Variants in HPS1 observed in about 807,000 individuals in gnomAD.
HPS1 encodes BLOC-3 complex member HPS1.
HPS1 carries 59 observed loss-of-function variants against 90.6 expected under a neutral mutation model. That is an observed-to-expected ratio of 0.65 (90% CI 0.53 to 0.81). HPS1 has a LOEUF of 0.81. HPS1 is among the 30% of genes least tolerant of loss of function. The pLI, the probability that HPS1 is intolerant of heterozygous loss-of-function variation, is 0.00. For synonymous variants in HPS1, 388 were observed against 384.4 expected (o/e 1.01, Z -0.11); for missense variants, 849 against 896.7 (o/e 0.95, Z 0.68).
rs2136213916 is a variant in HPS1, at chr10:98,431,253, C to T, written c.546G>A (p.Leu182=). 6.2e-7 allele frequency: 1 copy of T among 1,613,978 alleles called. No individual in the cohort carries two copies. Among genetic ancestry groups the T allele is most frequent in the African/African-American group, 1.3e-5 (1 of 75,072 alleles). Reference sequence around the variant, plus strand: ...CGTGCCGCTCCAGCGCCTCTATGCACAGCTCACAGAGCTGGGGGTGAATCA... The same window carrying T: ...CGTGCCGCTCCAGCGCCTCTATGCATAGCTCACAGAGCTGGGGGTGAATCA... ...ERLIHPQLCE[L]CIEALERHVI... is the part of the protein sequence containing the mutation. Residue 182 remains leucine, a synonymous_variant, in exon 7 of 20, where the codon CTG becomes CTA. Coordinates refer to ENST00000361490, the MANE Select transcript of HPS1 (RefSeq NM_000195.5).
chr10:98,433,933 C>T (rs1564856462), intron 6 of HPS1, 50 bp downstream of exon 6: 1 of 1,548,728 alleles, frequency 6.5e-7, no homozygotes, highest in Admixed American at 2.0e-5. Context: ...TGGACGCCCC[C>T]TCTGACCTGA....
Position 98,433,967 on chromosome 10 carries a change from C to T in HPS1, c.507+16G>A, listed in dbSNP as rs779593401. ...GACAGCTTCAAGTCCTGAGGACTCC[C>T]GCGCCCAGTAGTCACCTCCACGGCG... is the stretch of plus-strand genomic sequence containing the variant. On this transcript the variant is annotated intron_variant, in intron 6 of 19. Coordinates refer to ENST00000361490, the MANE Select transcript of HPS1 (RefSeq NM_000195.5). The T allele has an allele frequency of 7.1e-6, 11 of 1,552,572 alleles. No individual in the cohort carries two copies. Among genetic ancestry groups the T allele is most frequent in the African/African-American group, 4.1e-5 (3 of 73,190 alleles).
At chr10:98,432,291 C>A (rs1355841481) in intron 6 of HPS1, among the ~76,000 whole-genome samples, 1 of 152,200 alleles carries the variant, frequency 6.6e-6, no homozygotes, top group East Asian at 1.9e-4. Context: ...TCTCTTGTGC[C>A]ACCATAGCTT....
In HPS1 at chr10:98,417,350, C is replaced by T; in HGVS notation, c.*214G>A. The T allele has an allele frequency of 1.9e-6, 1 of 521,744 alleles. No homozygotes were observed. Among genetic ancestry groups the T allele is most frequent in the Non-Finnish European group, 3.4e-6 (1 of 295,036 alleles). The allele number at this position is 521,744 out of a possible 1,614,324, so 32.3% of individuals were successfully genotyped here. A position where few individuals can be genotyped will look rare whatever the true frequency, so the allele number is the denominator to read the frequency against. On this transcript the variant is annotated 3_prime_UTR_variant, in exon 20 of 20. Coordinates refer to ENST00000361490, the MANE Select transcript of HPS1 (RefSeq NM_000195.5). This position sits in a 1 kb window ranked among gnomAD's most constrained non-coding sequence, Gnocchi z 4.2. ...TTTTACAAACAGGACCCCTGGGCTT[C>T]CCTCTTCCTCCAGAGAGAAGGATCT...
At chr10:98,434,580 G>T (rs1233673566) in intron 5 of HPS1, among the ~76,000 whole-genome samples, 1 of 151,730 alleles carries the variant, frequency 6.6e-6, no homozygotes, top group Non-Finnish European at 1.5e-5. Flanking sequence ...AACAATGTTT[G>T]TGCATTTGAG....
At position 98,435,463 on chromosome 10, in the gene HPS1, T is replaced by C. The variant is rs200861464; in HGVS notation, c.256-49A>G. 2.3e-4 allele frequency: 377 copies of C among 1,613,314 alleles called. 1 individual carries two copies. The highest frequency in any genetic ancestry group is 5.3e-4 in the Admixed American group (32 of 60,002). On this transcript the variant is annotated intron_variant, in intron 4 of 19. Coordinates refer to ENST00000361490, the MANE Select transcript of HPS1 (RefSeq NM_000195.5). This position sits in a 1 kb window ranked among gnomAD's most constrained non-coding sequence, Gnocchi z 4.3. ...TCAGCCAGCCCCAAGGGCACTCCCT[T>C]CACCTGCCCTGGTCTCTGCAGACAA...
intron 6 of HPS1, among the ~76,000 whole-genome samples, chr10:98,432,148 A>T (rs990578311): frequency 6.6e-6 from 1 of 152,250 alleles, no homozygotes; most frequent in African/African-American, 2.4e-5. Flanking sequence ...AGATGAAGCT[A>T]GAGTGAAATA....
intron 5 of HPS1, among the ~76,000 whole-genome samples, chr10:98,434,552 G>T (rs934416884): frequency 5.3e-5 from 8 of 151,258 alleles, no homozygotes; most frequent in African/African-American, 1.9e-4. Flanking sequence ...GACCTATCTG[G>T]GCTAAAATGA....
At chr10:98,442,916 G>A in intron 3 of HPS1, 3 of 617,356 alleles carry the variant, frequency 4.9e-6, no homozygotes, top group East Asian at 2.8e-5. Flanking sequence ...CTGGTGGGGT[G>A]TGGGGGTGGG....
At chr10:98,421,979 G>GACAC (rs200573934) in intron 17 of HPS1, among the ~76,000 whole-genome samples, 11,749 of 139,934 alleles carry the variant, frequency 0.084, 1,243 homozygotes, top group African/African-American at 0.24. Context: ...CACACACACA[G>GACAC]ACACACACAC....
In HPS1 at chr10:98,417,875, T is replaced by C. The variant is rs758816908; in HGVS notation, c.1941-149A>G. On this transcript the variant is annotated intron_variant, in intron 19 of 19. Transcript: ENST00000361490. This position sits in a 1 kb window ranked among gnomAD's most constrained non-coding sequence, Gnocchi z 4.2. ...TGTGGGCCTTGACAACCGCTCCGGT[T>C]CCTCACTGACCTAACAGTGGCATCC... is the stretch of plus-strand genomic sequence containing the variant. 2.1e-5 allele frequency: 16 copies of C among 747,622 alleles called. No homozygotes were observed. The highest frequency in any genetic ancestry group is 3.6e-5 in the Non-Finnish European group (16 of 439,550). 46.3% of individuals were successfully genotyped at this position (747,622 alleles called of 1,614,324 possible).
At position 98,425,427 on chromosome 10, in the gene HPS1, G is replaced by A. The variant is rs535653909; in HGVS notation, c.1335+114C>T. ...CAAGGATCGTAGGCCCGGGGGAGGT[G>A]GAGCCCGGACAGGAACCCAGGCCCA... On this transcript the variant is annotated intron_variant, in intron 13 of 19. Transcript: ENST00000361490. 27 of 1,006,514 alleles carry A rather than the reference G, an allele frequency of 2.7e-5. No homozygotes were observed. The African/African-American group carries it at 4.0e-4, about 15-fold the overall frequency. The allele number at this position is 1,006,514 out of a possible 1,614,324, so 62.3% of individuals were successfully genotyped here.
intron 11 of HPS1, among the ~76,000 whole-genome samples, chr10:98,426,417 T>C (rs1257291708): frequency 2.0e-5 from 3 of 152,214 alleles, no homozygotes; most frequent in Non-Finnish European, 4.4e-5. Flanking sequence ...AACTGAGGCA[T>C]AAAGTGACCA....
At chr10:98,443,022 C>G (rs1938721837) in intron 3 of HPS1, 102 bp downstream of exon 3, 1 of 862,748 alleles carries the variant, frequency 1.2e-6, no homozygotes, top group Non-Finnish European at 2.0e-6. Flanking sequence ...TCATGCTGCC[C>G]AGGACAGGGT....
At position 98,423,737 on chromosome 10, in the gene HPS1, G is replaced by A. The variant is rs780907029; in HGVS notation, c.1532+16C>T. The A allele has an allele frequency of 5.0e-6, 8 of 1,613,954 alleles. No individual in the cohort carries two copies. The highest frequency in any genetic ancestry group is 6.8e-6 in the Non-Finnish European group (8 of 1,180,038). Reference sequence around the variant, plus strand: ...AGACCCTGCCCTGGCCACCCAGGGGGCCGCACTGCACTTACCGCATGAGCC... The same window carrying A: ...AGACCCTGCCCTGGCCACCCAGGGGACCGCACTGCACTTACCGCATGAGCC... On this transcript the variant is annotated intron_variant, in intron 15 of 19. Coordinates refer to ENST00000361490, the MANE Select transcript of HPS1 (RefSeq NM_000195.5).
Position 98,435,122 on chromosome 10 carries a change from C to T in HPS1, c.398+150G>A, listed in dbSNP as rs1231335250. On this transcript the variant is annotated intron_variant, in intron 5 of 19. Coordinates refer to ENST00000361490, the MANE Select transcript of HPS1 (RefSeq NM_000195.5). This position sits in a 1 kb window ranked among gnomAD's most constrained non-coding sequence, Gnocchi z 4.3. Reference sequence around the variant, plus strand: ...GTCAGAGGGTCAGACCAGATGGTCTCCAAGGTTCACTTGAGCTGTTTCTCT... The same window carrying T: ...GTCAGAGGGTCAGACCAGATGGTCTTCAAGGTTCACTTGAGCTGTTTCTCT... 2.3e-6 allele frequency: 2 copies of T among 853,582 alleles called. No homozygotes were observed. Among genetic ancestry groups the T allele is most frequent in the Non-Finnish European group, 3.8e-6 (2 of 522,908 alleles). 52.9% of individuals were successfully genotyped at this position (853,582 alleles called of 1,614,324 possible). A position where few individuals can be genotyped will look rare whatever the true frequency, so the allele number is the denominator to read the frequency against.
chr10:98,435,570 G>C lies in HPS1; in HGVS notation c.255+65C>G. 2 of 1,610,380 alleles carry C rather than the reference G, an allele frequency of 1.2e-6. No individual in the cohort carries two copies. The highest frequency in any genetic ancestry group is 2.2e-5 in the South Asian group (2 of 90,816). ...AAGGAGTCTAAAGTTCCAAATAAGA[G>C]AGGCCTGTGGACTCCCCATCAAGCT... On this transcript the variant is annotated intron_variant, in intron 4 of 19. Transcript: ENST00000361490. The surrounding 1 kb of genome is among the most constrained non-coding windows in gnomAD (Gnocchi z 4.3).
rs748476898 is a variant in HPS1 at position 98,417,804 on chromosome 10, C to T, written c.1941-78G>A. On this transcript the variant is annotated intron_variant, in intron 19 of 19. Coordinates refer to ENST00000361490, the MANE Select transcript of HPS1 (RefSeq NM_000195.5). This position sits in a 1 kb window ranked among gnomAD's most constrained non-coding sequence, Gnocchi z 4.2. ...AGCGCCAGAGGCCTCTCTGGGCCCT[C>T]GCAAGCAAATGCCCATGCCCTCGGT... is the stretch of plus-strand genomic sequence containing the variant. The T allele has an allele frequency of 1.4e-4, 196 of 1,402,498 alleles. No homozygotes were observed. Among genetic ancestry groups the T allele is most frequent in the South Asian group, 8.8e-4 (75 of 85,128 alleles). 86.9% of individuals were successfully genotyped at this position (1,402,498 alleles called of 1,614,324 possible).
downstream of HPS1, chr10:98,414,078 T>C (rs1051598719): frequency 1.3e-5 from 2 of 151,838 alleles, no homozygotes; most frequent in African/African-American, 4.9e-5. Flanking sequence ...TATACACATA[T>C]ATGTGTGTAT....
Sources: gnomAD v4.1 joint callset for allele counts (sites outside exome capture counted in the v4.1 genomes callset) on GRCh38, gnomAD v4.1.1 for gene constraint, Gnocchi (gnomAD v3.1) non-coding constraint, MANE v1.5 for transcripts, NCBI Gene and HGNC (gene_info 2026-07-23, HGNC 2026-07-21) for gene names.